The following SLC8A3 variants were observed in gnomAD, a reference collection of about 807,000 sequenced individuals.
The protein encoded by SLC8A3 is solute carrier family 8 member A3.
In SLC8A3, 37 loss-of-function variants were observed where a neutral mutation model predicts 65.4. The observed-to-expected ratio is 0.57, with a 90% CI of 0.44 to 0.74. The LOEUF is 0.74. SLC8A3 is among the 30% of genes least tolerant of loss of function. The probability of loss-of-function intolerance (pLI) is 0.00; values close to 1 mark genes in which losing one functional copy is unlikely to be tolerated. For missense variants in SLC8A3, 1,112 were observed against 1,172.1 expected, an observed-to-expected ratio of 0.95 and a Z score of 0.75; for synonymous variants, 461 against 444.5, an observed-to-expected ratio of 1.04 and a Z score of -0.47.
chr14:70,085,055 TA>T (rs1216079447), intron 2 of SLC8A3, among the ~76,000 whole-genome samples: 7 of 152,274 alleles, frequency 4.6e-5, no homozygotes, highest in East Asian at 3.9e-4. Context: ...TGATAGGCAT[TA>T]GGGGGTAAAG....
At chr14:70,156,472 T>G (rs1253737591) in intron 2 of SLC8A3, among the ~76,000 whole-genome samples, 2 of 152,198 alleles carry the variant, frequency 1.3e-5, no homozygotes, top group East Asian at 3.8e-4. Context: ...CATCTACAAC[T>G]GAGCGCAGAT....
intron 2 of SLC8A3, among the ~76,000 whole-genome samples, chr14:70,122,812 C>T (rs889530151): frequency 5.3e-5 from 8 of 152,180 alleles, no homozygotes; most frequent in Non-Finnish European, 7.4e-5. Flanking sequence ...TGGCTCACAC[C>T]TGTAATTCCA....
chr14:70,162,453 C>T lies in SLC8A3; in HGVS notation c.1784+4186G>A, dbSNP rs569855118. 9.2e-5 allele frequency among the ~76,000 whole-genome samples: 14 copies of T among 152,306 alleles called. No homozygotes were observed. In the South Asian group the frequency reaches 1.9e-3, roughly 20 times the overall value. On this transcript the variant is annotated intron_variant, in intron 2 of 6. Transcript: ENST00000356921. ...TTAACATTCTGATTTGGTTGGAGAACGTGCAGCACAGCCAACATGCTTTTT... is the reference window on the plus strand; with the variant it reads ...TTAACATTCTGATTTGGTTGGAGAATGTGCAGCACAGCCAACATGCTTTTT...
intron 3 of SLC8A3, among the ~76,000 whole-genome samples, chr14:70,054,307 A>G (rs1169625372): frequency 1.3e-5 from 2 of 152,112 alleles, no homozygotes; most frequent in East Asian, 1.9e-4. Context: ...GTCTCTGTCC[A>G]CCTAGGAAAA....
intron 2 of SLC8A3, among the ~76,000 whole-genome samples, chr14:70,095,237 C>T (rs1892088760): frequency 6.6e-6 from 1 of 152,234 alleles, no homozygotes; most frequent in Non-Finnish European, 1.5e-5. Flanking sequence ...ACTTTGGTTG[C>T]TTCTGTCCTG....
At chr14:70,147,930 G>A (rs1285290667) in intron 2 of SLC8A3, among the ~76,000 whole-genome samples, 1 of 152,202 alleles carries the variant, frequency 6.6e-6, no homozygotes, top group African/African-American at 2.4e-5. Context: ...AGGTCCACCT[G>A]CCTCCAAAGC....
chr14:70,182,755 T>C (rs945540458), intron 1 of SLC8A3, among the ~76,000 whole-genome samples: 1 of 151,798 alleles, frequency 6.6e-6, no homozygotes, highest in African/African-American at 2.4e-5. Flanking sequence ...AAGAGTATAA[T>C]GGGGAAAAGG....
chr14:70,056,577 A>T lies in SLC8A3; in HGVS notation c.1888+4259T>A, dbSNP rs1339234520. Reference sequence around the variant, plus strand: ...ATTTTGTATCACCTCTGCTTAGCAAAGTCCCTGCATGTGGTAGTGTTCAAT... The same window carrying T: ...ATTTTGTATCACCTCTGCTTAGCAATGTCCCTGCATGTGGTAGTGTTCAAT... On this transcript the variant is annotated intron_variant, in intron 3 of 6. Coordinates refer to ENST00000356921, the MANE Select transcript of SLC8A3 (RefSeq NM_182932.3). 3.3e-5 allele frequency among the ~76,000 whole-genome samples: 5 copies of T among 152,178 alleles called. No individual in the cohort carries two copies. The East Asian group carries it at 9.6e-4, about 29-fold the overall frequency.
At chr14:70,159,513 T>C (rs1896761428) in intron 2 of SLC8A3, among the ~76,000 whole-genome samples, 1 of 151,606 alleles carries the variant, frequency 6.6e-6, no homozygotes. Flanking sequence ...CCTCCTGGAG[T>C]TGACAGGGCC....
In SLC8A3 at chr14:70,188,451, C is replaced by T. The variant is rs895042415; in HGVS notation, c.-135G>A. 6 of 151,994 alleles carry T rather than the reference C, an allele frequency of 3.9e-5. No individual in the cohort carries two copies. Among genetic ancestry groups the T allele is most frequent in the South Asian group, 2.1e-4 (1 of 4,828 alleles). 9.4% of individuals were successfully genotyped at this position (151,994 alleles called of 1,614,324 possible). On this transcript the variant is annotated 5_prime_UTR_variant, in exon 1 of 7. Transcript: ENST00000356921. ...GGAAGGTACGCGATGCCCCCGCCGC[C>T]CGGCGCCTCACCGGTCGCAGCGGCT...
chr14:70,048,656 G>T, intron 6 of SLC8A3, 111 bp downstream of exon 6: 1 of 933,570 alleles, frequency 1.1e-6, no homozygotes, highest in Non-Finnish European at 1.7e-6. Flanking sequence ...AAGGGCAGAG[G>T]CTCTGTTAAG....
At chr14:70,142,292 C>A (rs752902193) in intron 2 of SLC8A3, among the ~76,000 whole-genome samples, 5 of 152,212 alleles carry the variant, frequency 3.3e-5, no homozygotes, top group Non-Finnish European at 5.9e-5. Context: ...GAATTTCAAA[C>A]CTTCAGAATC....
chr14:70,072,294 T>G (rs899792666), intron 2 of SLC8A3, among the ~76,000 whole-genome samples: 3 of 152,200 alleles, frequency 2.0e-5, no homozygotes, highest in African/African-American at 7.2e-5. Context: ...TGCATGATTA[T>G]GGACCTAGGG....
At chr14:70,056,722 G>A (rs1341684211) in intron 3 of SLC8A3, among the ~76,000 whole-genome samples, 1 of 152,172 alleles carries the variant, frequency 6.6e-6, no homozygotes, top group Non-Finnish European at 1.5e-5. Flanking sequence ...CAGGTATTCT[G>A]GAACAGAGAA....
intron 2 of SLC8A3, among the ~76,000 whole-genome samples, chr14:70,149,906 T>C (rs959529750): frequency 6.6e-6 from 1 of 152,194 alleles, no homozygotes; most frequent in African/African-American, 2.4e-5. Flanking sequence ...GGCTGCTCTG[T>C]CTTTGGGAGC....
Position 70,048,689 on chromosome 14 carries a change from A to G in SLC8A3, c.2389+78T>C. On this transcript the variant is annotated intron_variant, in intron 6 of 6. Transcript: ENST00000356921. ...AAGTTCAGATCTGAGATGGTGTGGAAGATAATGAGATGGAGTCCAGGGGTC... is the reference window on the plus strand; with the variant it reads ...AAGTTCAGATCTGAGATGGTGTGGAGGATAATGAGATGGAGTCCAGGGGTC... 3.2e-6 allele frequency: 4 copies of G among 1,240,616 alleles called. 1 individual carries two copies. In the South Asian group the frequency reaches 5.1e-5, roughly 16 times the overall value. The allele number at this position is 1,240,616 out of a possible 1,614,324, so 76.9% of individuals were successfully genotyped here.
intron 1 of SLC8A3, among the ~76,000 whole-genome samples, chr14:70,170,349 A>C (rs1043533822): frequency 6.6e-6 from 1 of 152,194 alleles, no homozygotes. Context: ...ACCTTTGTAC[A>C]TGCCATTATT....
chr14:70,119,371 T>G (rs1373419338), intron 2 of SLC8A3, among the ~76,000 whole-genome samples: 1 of 152,172 alleles, frequency 6.6e-6, no homozygotes, highest in Non-Finnish European at 1.5e-5. Context: ...GAGGCTTCCA[T>G]TTATGTGGTG....
At chr14:70,145,394 G>A (rs899519668) in intron 2 of SLC8A3, among the ~76,000 whole-genome samples, 3 of 152,108 alleles carry the variant, frequency 2.0e-5, no homozygotes, top group African/African-American at 7.2e-5. Flanking sequence ...AAAAGACAAC[G>A]GTGCCAACTG....
Sources: gnomAD v4.1 joint callset for allele counts (sites outside exome capture counted in the v4.1 genomes callset) on GRCh38, gnomAD v4.1.1 for gene constraint, MANE v1.5 for transcripts, NCBI Gene and HGNC (gene_info 2026-07-23, HGNC 2026-07-21) for gene names.